The following ELOVL2 variants were observed in gnomAD, a reference collection of about 807,000 sequenced individuals.
The protein encoded by ELOVL2 is ELOVL fatty acid elongase 2.
A neutral mutation model predicts 37.7 loss-of-function variants in ELOVL2; 38 were observed. The observed-to-expected ratio is 1.01, with a 90% CI of 0.78 to 1.32. The LOEUF is 1.32. Among genes scored for constraint, ELOVL2 ranks in the 40% most tolerant of loss-of-function variants. The pLI is 0.00. For synonymous variants in ELOVL2, 115 were observed against 122.3 expected (o/e 0.94, Z 0.40); for missense variants, 352 against 363.6 (o/e 0.97, Z 0.26).
intron 7 of ELOVL2, among the ~76,000 whole-genome samples, chr6:10,987,790 T>C (rs1234556657): frequency 6.6e-6 from 1 of 152,250 alleles, no homozygotes; most frequent in East Asian, 1.9e-4. Flanking sequence ...AAAGTGCTGT[T>C]ATTTTAAAAT....
chr6:11,018,370 A>G (rs1293138836), intron 1 of ELOVL2, among the ~76,000 whole-genome samples: 1 of 152,202 alleles, frequency 6.6e-6, no homozygotes, highest in East Asian at 1.9e-4. Flanking sequence ...ACAATGCAAG[A>G]GTCAAATAAG....
Position 10,989,089 on chromosome 6 carries a change from T to C in ELOVL2, c.765+614A>G, listed in dbSNP as rs148820150. On this transcript the variant is annotated intron_variant, in intron 7 of 7. Coordinates refer to ENST00000354666, the MANE Select transcript of ELOVL2 (RefSeq NM_017770.4). ...TTTTTAACTTTCAGATGTCAGACTTTGGTAGCATGGTACAAATACATACTG... is the reference window on the plus strand; with the variant it reads ...TTTTTAACTTTCAGATGTCAGACTTCGGTAGCATGGTACAAATACATACTG... Among the ~76,000 whole-genome samples the C allele has an allele frequency of 3.0e-3, 460 of 152,364 alleles. 4 individuals carry two copies. The highest frequency in any genetic ancestry group is 6.8e-3 in the Middle Eastern group (2 of 294).
intron 1 of ELOVL2, among the ~76,000 whole-genome samples, chr6:11,035,297 G>A (rs574777274): frequency 1.4e-4 from 22 of 152,254 alleles, no homozygotes; most frequent in African/African-American, 3.1e-4. Context: ...CCCCTAGAGC[G>A]TAAGATTTCA....
chr6:10,988,077 C>T (rs778139988), intron 7 of ELOVL2, among the ~76,000 whole-genome samples: 2 of 152,228 alleles, frequency 1.3e-5, no homozygotes, highest in Non-Finnish European at 2.9e-5. Context: ...TTCCCTTTAA[C>T]ACTTAGCGTT....
intron 2 of ELOVL2, among the ~76,000 whole-genome samples, chr6:11,009,313 T>C (rs1782531235): frequency 6.6e-6 from 1 of 152,158 alleles, no homozygotes; most frequent in African/African-American, 2.4e-5. Flanking sequence ...TATACACCTA[T>C]GGAAAATTTA....
intron 2 of ELOVL2, among the ~76,000 whole-genome samples, chr6:11,008,285 A>T (rs1281103177): frequency 6.6e-6 from 1 of 152,234 alleles, no homozygotes; most frequent in Non-Finnish European, 1.5e-5. Flanking sequence ...AAAATGACCA[A>T]TGCAGAGTAA....
At position 10,983,473 on chromosome 6, in the gene ELOVL2, C is replaced by T. The variant is rs536090656; in HGVS notation, c.*308G>A. On this transcript the variant is annotated 3_prime_UTR_variant, in exon 8 of 8. Transcript: ENST00000354666. ...TGTGAGAAACAATGCTCCACGTTTCCTGGCTGTGTATGCGTATAAGGCGTT... is the reference window on the plus strand; with the variant it reads ...TGTGAGAAACAATGCTCCACGTTTCTTGGCTGTGTATGCGTATAAGGCGTT... 7.0e-5 allele frequency: 14 copies of T among 199,836 alleles called. No individual in the cohort carries two copies. The highest frequency in any genetic ancestry group is 1.3e-4 in the Non-Finnish European group (13 of 99,312). The allele number at this position is 199,836 out of a possible 1,614,324, so 12.4% of individuals were successfully genotyped here. A position where few individuals can be genotyped will look rare whatever the true frequency, so the allele number is the denominator to read the frequency against.
At chr6:10,996,724 T>C (rs144862479) in intron 4 of ELOVL2, among the ~76,000 whole-genome samples, 2,539 of 150,580 alleles carry the variant, frequency 0.017, 65 homozygotes, top group African/African-American at 0.058. Context: ...ACGCCTGTAA[T>C]CCCAGCACTT....
In ELOVL2 at chr6:10,983,395, T is replaced by C. The variant is rs1781980302; in HGVS notation, c.*386A>G. ...CCCTGTATTTAGAATATAATTAACA[T>C]TTTGTTGTAAACATTTTAATCTGAA... On this transcript the variant is annotated 3_prime_UTR_variant, in exon 8 of 8. Coordinates refer to ENST00000354666, the MANE Select transcript of ELOVL2 (RefSeq NM_017770.4). 1 of 157,246 alleles carries C rather than the reference T, an allele frequency of 6.4e-6. No homozygotes were observed. The highest frequency in any genetic ancestry group is 1.4e-5 in the Non-Finnish European group (1 of 71,258). 9.7% of individuals were successfully genotyped at this position (157,246 alleles called of 1,614,324 possible).
intron 1 of ELOVL2, among the ~76,000 whole-genome samples, chr6:11,021,032 G>A (rs1046519037): frequency 1.1e-4 from 16 of 152,144 alleles, no homozygotes; most frequent in African/African-American, 3.9e-4. Flanking sequence ...ATTCTTATCT[G>A]ACTTAAAATC....
At chr6:10,997,026 C>A (rs181836774) in intron 4 of ELOVL2, among the ~76,000 whole-genome samples, 1 of 150,034 alleles carries the variant, frequency 6.7e-6, no homozygotes, top group African/African-American at 2.4e-5. Context: ...AAAGGTCCAT[C>A]TTGATATTAA....
intron 1 of ELOVL2, among the ~76,000 whole-genome samples, chr6:11,021,613 T>G (rs1467942397): frequency 6.6e-6 from 1 of 152,164 alleles, no homozygotes; most frequent in Non-Finnish European, 1.5e-5. Context: ...GAGGCAGCAG[T>G]AATACTAAAA....
At chr6:11,043,893 T>A in intron 1 of ELOVL2, 1 of 237,190 alleles carries the variant, frequency 4.2e-6, no homozygotes, top group Non-Finnish European at 8.1e-6. Flanking sequence ...GAGGGGCGGC[T>A]TCCTCGGGCA....
chr6:11,026,422 A>G (rs1782838983), intron 1 of ELOVL2, among the ~76,000 whole-genome samples: 1 of 152,134 alleles, frequency 6.6e-6, no homozygotes, highest in Non-Finnish European at 1.5e-5. Flanking sequence ...GGGCTGTGCT[A>G]GGCTGCCAAG....
Position 10,989,315 on chromosome 6 carries a change from TATA to T in ELOVL2, c.765+385_765+387del, listed in dbSNP as rs369050969. Among the ~76,000 whole-genome samples the T allele has an allele frequency of 5.8e-3, 883 of 152,352 alleles. 11 individuals carry two copies. The highest frequency in any genetic ancestry group is 0.02 in the African/African-American group (828 of 41,582). ...GAATTTATCAACAAGCATGTGCTAC[TATA>T]ATATTTAATCAGTAAAATTAAACAA... On this transcript the variant is annotated intron_variant, in intron 7 of 7. Transcript: ENST00000354666.
chr6:10,994,885 A>C, intron 5 of ELOVL2, 122 bp downstream of exon 5: 2 of 745,506 alleles, frequency 2.7e-6, no homozygotes, highest in Non-Finnish European at 2.1e-6. Flanking sequence ...TGCTGCGGCA[A>C]GGCCGGCGCT....
intron 1 of ELOVL2, among the ~76,000 whole-genome samples, chr6:11,029,223 CAAAAAAAAAAAA>C (rs376639413): frequency 4.0e-5 from 3 of 75,786 alleles, no homozygotes; most frequent in Non-Finnish European, 5.5e-5. Context: ...AGGGAGATCT[CAAAAAAAAAAAA>C]AAAAAAAAAA....
At chr6:10,986,364 G>T (rs551191679) in intron 7 of ELOVL2, among the ~76,000 whole-genome samples, 351 of 152,232 alleles carry the variant, frequency 2.3e-3, no homozygotes, top group African/African-American at 7.9e-3. Flanking sequence ...TAATTGCCCT[G>T]GCCAGAACTT....
chr6:11,042,737 C>A (rs962009340), intron 1 of ELOVL2, among the ~76,000 whole-genome samples: 11 of 151,974 alleles, frequency 7.2e-5, no homozygotes, highest in African/African-American at 2.7e-4. Flanking sequence ...TATCTCCCTC[C>A]TCCCAAACTT....
Sources: gnomAD v4.1 joint callset for allele counts (sites outside exome capture counted in the v4.1 genomes callset) on GRCh38, gnomAD v4.1.1 for gene constraint, MANE v1.5 for transcripts, NCBI Gene and HGNC (gene_info 2026-07-23, HGNC 2026-07-21) for gene names.